Variants in MPHOSPH9 observed in about 807,000 individuals in gnomAD.
The protein encoded by MPHOSPH9 is M-phase phosphoprotein 9.
In MPHOSPH9, 88 loss-of-function variants were observed where a neutral mutation model predicts 145.5. The observed-to-expected ratio is 0.60, with a 90% CI of 0.51 to 0.72. The LOEUF (loss-of-function observed/expected upper bound fraction) is 0.72, where lower values mean the gene tolerates loss of function less well. MPHOSPH9 is among the 30% of genes least tolerant of loss of function. MPHOSPH9 has a pLI of 0.00. For missense variants in MPHOSPH9, 1,238 were observed against 1,386.6 expected, an observed-to-expected ratio of 0.89 and a Z score of 1.70; for synonymous variants, 435 against 486.2, an observed-to-expected ratio of 0.89 and a Z score of 1.39.
At position 123,154,390 on chromosome 12, in the gene MPHOSPH9, AAGAC is replaced by A. The variant is rs1262859503; in HGVS notation, c.*2413_*2416del. ...CATAAGATAAGCATTACCGAAGAGA[AAGAC>A]AGCAGAAAGAACTTTCCTTGGTATC... is the stretch of plus-strand genomic sequence containing the variant. On this transcript the variant is annotated 3_prime_UTR_variant, in exon 24 of 24. Coordinates refer to ENST00000606320, the MANE Select transcript of MPHOSPH9 (RefSeq NM_022782.4). The A allele has an allele frequency of 6.6e-6, 1 of 152,208 alleles. No individual in the cohort carries two copies. Among genetic ancestry groups the A allele is most frequent in the Non-Finnish European group, 1.5e-5 (1 of 68,044 alleles). 9.4% of individuals were successfully genotyped at this position (152,208 alleles called of 1,614,324 possible).
intron 13 of MPHOSPH9, among the ~76,000 whole-genome samples, chr12:123,184,785 A>G (rs1339486825): frequency 6.6e-6 from 1 of 151,188 alleles, no homozygotes; most frequent in East Asian, 2.0e-4. Flanking sequence ...GGCATGAGCC[A>G]CCGTGCCCGG....
At chr12:123,201,658 C>T (rs1017044898) in intron 11 of MPHOSPH9, among the ~76,000 whole-genome samples, 2 of 152,072 alleles carry the variant, frequency 1.3e-5, no homozygotes, top group Admixed American at 6.6e-5. Context: ...GGGTTACAGA[C>T]GTGAGCCACC....
At chr12:123,221,261 G>T in intron 5 of MPHOSPH9, 111 bp downstream of exon 5, 1 of 865,484 alleles carries the variant, frequency 1.2e-6, no homozygotes, top group Non-Finnish European at 1.8e-6. Flanking sequence ...TTTTCTACAG[G>T]CAATGAACTG....
At chr12:123,230,189 T>C in intron 2 of MPHOSPH9, 72 bp downstream of exon 2, 3 of 790,740 alleles carry the variant, frequency 3.8e-6, no homozygotes, top group Non-Finnish European at 5.9e-6. Flanking sequence ...TGACACTATT[T>C]GGATAAGTTG....
downstream of MPHOSPH9, among the ~76,000 whole-genome samples, chr12:123,153,987 CCT>C (rs924083705): frequency 4.6e-5 from 7 of 152,106 alleles, no homozygotes; most frequent in African/African-American, 1.2e-4. Context: ...TTTCTTGTCC[CCT>C]GAGCCCAGCT....
intron 13 of MPHOSPH9, among the ~76,000 whole-genome samples, chr12:123,182,615 A>T (rs2045234460): frequency 6.6e-6 from 1 of 151,562 alleles, no homozygotes; most frequent in Non-Finnish European, 1.5e-5. Context: ...TTTATTTAAA[A>T]ATATATATAT....
intron 1 of MPHOSPH9, among the ~76,000 whole-genome samples, chr12:123,242,809 T>C (rs2047961872): frequency 6.6e-6 from 1 of 152,170 alleles, no homozygotes. Context: ...TGGAATCACT[T>C]CCTCTCTTTT....
At chr12:123,232,643 C>A (rs914007106) in intron 1 of MPHOSPH9, among the ~76,000 whole-genome samples, 2 of 152,048 alleles carry the variant, frequency 1.3e-5, no homozygotes, top group Non-Finnish European at 2.9e-5. Context: ...TGGCTGGTGG[C>A]GGCTATCGGG....
intron 23 of MPHOSPH9, 52 bp from the exon 24 acceptor site, chr12:123,156,960 TA>T: frequency 7.3e-7 from 1 of 1,376,972 alleles, no homozygotes. Flanking sequence ...CCAAGTTCTA[TA>T]ATCACCACCA....
At chr12:123,192,155 G>A (rs1049314851) in intron 13 of MPHOSPH9, among the ~76,000 whole-genome samples, 2 of 152,126 alleles carry the variant, frequency 1.3e-5, no homozygotes, top group African/African-American at 4.8e-5. Context: ...AAAGCTTAAT[G>A]AGAAAAAGGC....
chr12:123,235,200 G>C (rs546532315), upstream of MPHOSPH9, among the ~76,000 whole-genome samples: 1 of 152,124 alleles, frequency 6.6e-6, no homozygotes, highest in Non-Finnish European at 1.5e-5. Context: ...GATTTTGTTC[G>C]CACTCTAGGT....
Position 123,215,145 on chromosome 12 carries a change from C to T in MPHOSPH9, c.997-311G>A, listed in dbSNP as rs572742593. 1.6e-4 allele frequency among the ~76,000 whole-genome samples: 24 copies of T among 152,020 alleles called. No homozygotes were observed. The South Asian group carries it at 2.7e-3, about 17-fold the overall frequency. On this transcript the variant is annotated intron_variant, in intron 6 of 23. Coordinates refer to ENST00000606320, the MANE Select transcript of MPHOSPH9 (RefSeq NM_022782.4). ...TAATCCCAGCTACTCGGCAGGCTGACGCAGGAGAATCACTTGAACCTGGGA... is the reference window on the plus strand; with the variant it reads ...TAATCCCAGCTACTCGGCAGGCTGATGCAGGAGAATCACTTGAACCTGGGA...
intron 1 of MPHOSPH9, among the ~76,000 whole-genome samples, chr12:123,240,237 G>T (rs578223554): frequency 6.6e-6 from 1 of 151,800 alleles, no homozygotes; most frequent in Admixed American, 6.6e-5. Flanking sequence ...AGCTGGACGT[G>T]GTGGTGGGCA....
chr12:123,218,356 G>A lies in MPHOSPH9; in HGVS notation c.996+20C>T, dbSNP rs370668701. The A allele has an allele frequency of 7.6e-5, 122 of 1,613,476 alleles. No homozygotes were observed. Among genetic ancestry groups the A allele is most frequent in the Non-Finnish European group, 9.7e-5 (115 of 1,179,682 alleles). ...AATCATCAGTACTGGAGCCCGCAGG[G>A]AAAGTGACTAGTCACCTACTTTCTC... is the stretch of plus-strand genomic sequence containing the variant. On this transcript the variant is annotated intron_variant, in intron 6 of 23. Coordinates refer to ENST00000606320, the MANE Select transcript of MPHOSPH9 (RefSeq NM_022782.4).
intron 8 of MPHOSPH9, 130 bp from the exon 9 acceptor site, chr12:123,203,505 A>C (rs1297931874): frequency 2.4e-6 from 2 of 831,140 alleles, no homozygotes; most frequent in Non-Finnish European, 3.6e-6. Flanking sequence ...TCAGATTTGT[A>C]ATACAAGCTT....
intron 8 of MPHOSPH9, among the ~76,000 whole-genome samples, chr12:123,207,626 G>C (rs960145720): frequency 6.6e-6 from 1 of 152,052 alleles, no homozygotes; most frequent in African/African-American, 2.4e-5. Context: ...GGCCAAGGCG[G>C]GCGGATCACC....
chr12:123,207,476 A>G (rs2046486445), intron 8 of MPHOSPH9, among the ~76,000 whole-genome samples: 1 of 152,094 alleles, frequency 6.6e-6, no homozygotes, highest in Non-Finnish European at 1.5e-5. Context: ...GTCTGTCTGT[A>G]TATGTCATTC....
chr12:123,206,050 C>T (rs965093557), intron 8 of MPHOSPH9, among the ~76,000 whole-genome samples: 7 of 152,012 alleles, frequency 4.6e-5, no homozygotes, highest in African/African-American at 1.7e-4. Context: ...AGGTAAAAAG[C>T]AGAAAGGCCT....
At chr12:123,201,110 C>A (rs2046202890) in intron 11 of MPHOSPH9, among the ~76,000 whole-genome samples, 1 of 152,186 alleles carries the variant, frequency 6.6e-6, no homozygotes, top group African/African-American at 2.4e-5. Context: ...TGTACCCCCA[C>A]ACTACTAAAT....
Sources: allele counts gnomAD v4.1 joint callset (sites outside exome capture counted in the v4.1 genomes callset), GRCh38; gene constraint gnomAD v4.1.1; transcripts MANE v1.5; gene names NCBI Gene and HGNC (gene_info 2026-07-23, HGNC 2026-07-21).